SHB: variants seen among roughly 807,000 people sequenced by gnomAD.
The protein encoded by SHB is SH2 domain containing adaptor protein B.
Under a neutral mutation model 52.3 loss-of-function variants are expected in SHB, and 20 were observed. The observed-to-expected ratio is 0.38, with a 90% confidence interval of 0.27 to 0.56. The LOEUF is 0.56. SHB is among the 20% of genes least tolerant of loss of function. The probability of loss-of-function intolerance (pLI) is 0.71; values close to 1 mark genes in which losing one functional copy is unlikely to be tolerated. For missense variants in SHB, 825 were observed against 723.3 expected (o/e 1.14, Z -1.61); for synonymous variants, 397 against 316.5 (o/e 1.25, Z -2.70).
rs532764250 is a variant in SHB, at chr9:37,949,854, C to T, written c.1227-1100G>A. Among the ~76,000 whole-genome samples, 190 of 152,308 alleles carry T rather than the reference C, an allele frequency of 1.2e-3. 1 individual carries two copies. Among genetic ancestry groups the T allele is most frequent in the African/African-American group, 4.3e-3 (178 of 41,552 alleles). ...GCCATGCATGCCAGAGGAGGGCAGG[C>T]GGCAGAATCTGAGGGGAGGAGTGCC... On this transcript the variant is annotated intron_variant, in intron 4 of 5. Transcript: ENST00000377707.
intron 1 of SHB, among the ~76,000 whole-genome samples, chr9:38,041,956 C>T (rs544395342): frequency 1.8e-4 from 27 of 152,178 alleles, no homozygotes; most frequent in Admixed American, 1.0e-3. Context: ...AATTTTCTCC[C>T]GAGTTTCTGA....
rs116353164 is a variant in SHB, at chr9:38,044,978, G to C, written c.717+22951C>G. On this transcript the variant is annotated intron_variant, in intron 1 of 5. Transcript: ENST00000377707. ...TCCCAAATGGCAGGACAGCTGAGCT[G>C]AACTTAAGAGGATGAGGAGGATAAA... Among the ~76,000 whole-genome samples the C allele has an allele frequency of 2.0e-5, 3 of 152,214 alleles. No homozygotes were observed. In the South Asian group the frequency reaches 6.2e-4, roughly 32 times the overall value.
At chr9:38,028,993 A>C (rs960369175) in intron 1 of SHB, among the ~76,000 whole-genome samples, 1 of 152,090 alleles carries the variant, frequency 6.6e-6, no homozygotes, top group Non-Finnish European at 1.5e-5. Flanking sequence ...TGGATACAGG[A>C]CCACCGAGCT....
At chr9:37,959,853 C>T (rs567687375) in intron 3 of SHB, among the ~76,000 whole-genome samples, 21 of 152,306 alleles carry the variant, frequency 1.4e-4, no homozygotes, top group African/African-American at 4.8e-4. Context: ...ACCCTGGCTC[C>T]CGGTGAGCCC....
chr9:37,929,567 T>C (rs1406553024), intron 5 of SHB, among the ~76,000 whole-genome samples: 1 of 152,160 alleles, frequency 6.6e-6, no homozygotes, highest in African/African-American at 2.4e-5. Context: ...AGGTTTCCCA[T>C]ACGTCTGCTC....
chr9:37,984,381 C>T (rs563808931), intron 2 of SHB, among the ~76,000 whole-genome samples: 2 of 152,328 alleles, frequency 1.3e-5, no homozygotes, highest in Middle Eastern at 3.4e-3. Flanking sequence ...GACACCCCCA[C>T]ATAGGAGCCA....
At chr9:37,920,360 T>G (rs964714193) in intron 5 of SHB, among the ~76,000 whole-genome samples, 1 of 152,028 alleles carries the variant, frequency 6.6e-6, no homozygotes, top group African/African-American at 2.4e-5. Context: ...CTATTACCAG[T>G]GCATATCCCT....
intron 2 of SHB, among the ~76,000 whole-genome samples, chr9:38,000,788 T>C (rs529040875): frequency 7.2e-5 from 11 of 152,302 alleles, no homozygotes; most frequent in Admixed American, 2.0e-4. Context: ...CCAGTTGGGG[T>C]TGAGGGATCT....
At chr9:38,021,569 G>C (rs767184234) in intron 1 of SHB, among the ~76,000 whole-genome samples, 1 of 152,066 alleles carries the variant, frequency 6.6e-6, no homozygotes, top group African/African-American at 2.4e-5. Context: ...TTGGGAAGCT[G>C]AGGCAGAAGA....
At chr9:37,962,037 C>A (rs910102472) in intron 3 of SHB, among the ~76,000 whole-genome samples, 2 of 152,210 alleles carry the variant, frequency 1.3e-5, no homozygotes, top group Non-Finnish European at 2.9e-5. Flanking sequence ...GGGTTTGAAT[C>A]CTGTCTCTGT....
chr9:37,974,426 T>C (rs1820627598), intron 3 of SHB, among the ~76,000 whole-genome samples, 196 bp downstream of exon 3: 1 of 152,050 alleles, frequency 6.6e-6, no homozygotes, highest in Non-Finnish European at 1.5e-5. Flanking sequence ...GACCCAGAAT[T>C]TCTCCTCGGC....
At chr9:38,007,375 A>T (rs1821086495) in intron 2 of SHB, among the ~76,000 whole-genome samples, 1 of 152,190 alleles carries the variant, frequency 6.6e-6, no homozygotes, top group South Asian at 2.1e-4. Context: ...CCCTTCCTTC[A>T]CGGAGCTCTC....
rs1822014405 is a variant in SHB, at chr9:38,068,759, CG to C, written c.-115del. On this transcript the variant is annotated 5_prime_UTR_variant, in exon 1 of 6. Transcript: ENST00000377707. The stretch of plus-strand genomic sequence containing the variant: ...CGCCCCGGCCCCGGCGGGGGGCGTC[CG>C]GGGCGCCCGCTCCCGACGCCAAGTT... 1 of 313,770 alleles carries C rather than the reference CG, an allele frequency of 3.2e-6. No homozygotes were observed. Among genetic ancestry groups the C allele is most frequent in the Non-Finnish European group, 4.7e-6 (1 of 211,266 alleles). 19.4% of individuals were successfully genotyped at this position (313,770 alleles called of 1,614,324 possible).
intron 2 of SHB, among the ~76,000 whole-genome samples, chr9:38,005,183 T>C (rs1033362693): frequency 2.6e-5 from 4 of 152,004 alleles, no homozygotes; most frequent in Non-Finnish European, 5.9e-5. Flanking sequence ...ACGTGGGCAG[T>C]AGGAAAAGAG....
At chr9:37,936,064 C>T (rs1587199177) in intron 5 of SHB, among the ~76,000 whole-genome samples, 1 of 145,638 alleles carries the variant, frequency 6.9e-6, no homozygotes, top group South Asian at 2.2e-4. Context: ...AAAAATACAA[C>T]AATTAGCCGG....
chr9:37,945,447 C>T (rs542045182), intron 5 of SHB, among the ~76,000 whole-genome samples: 1 of 152,322 alleles, frequency 6.6e-6, no homozygotes, highest in East Asian at 1.9e-4. Context: ...GAAGCAAGTT[C>T]ATCTCCCCTG....
chr9:38,020,423 T>C (rs1417937547), intron 1 of SHB, among the ~76,000 whole-genome samples: 1 of 152,188 alleles, frequency 6.6e-6, no homozygotes, highest in Non-Finnish European at 1.5e-5. Flanking sequence ...TCCCCACCAG[T>C]CTAGAGACAA....
At chr9:38,034,703 G>T (rs1821460403) in intron 1 of SHB, among the ~76,000 whole-genome samples, 2 of 152,188 alleles carry the variant, frequency 1.3e-5, no homozygotes, top group South Asian at 4.1e-4. Context: ...TTGTTCATTT[G>T]TTTGTTTTAT....
intron 3 of SHB, among the ~76,000 whole-genome samples, chr9:37,963,711 GGCAA>G (rs961832770): frequency 1.3e-5 from 2 of 152,132 alleles, no homozygotes; most frequent in Non-Finnish European, 2.9e-5. Context: ...CCCAGGAAGG[GGCAA>G]GGAGGGGAGA....
Sources: allele counts gnomAD v4.1 joint callset (sites outside exome capture counted in the v4.1 genomes callset), GRCh38; gene constraint gnomAD v4.1.1; transcripts MANE v1.5; gene names NCBI Gene and HGNC (gene_info 2026-07-23, HGNC 2026-07-21).